SCARA3: variants seen among roughly 807,000 people sequenced by gnomAD.
SCARA3 encodes scavenger receptor class A member 3.
In SCARA3, 39 loss-of-function variants were observed where a neutral mutation model predicts 47.0. That is an observed-to-expected ratio of 0.83 (90% CI 0.64 to 1.08). The LOEUF (loss-of-function observed/expected upper bound fraction) is 1.08, where lower values mean the gene tolerates loss of function less well. SCARA3 is among the 50% of genes least tolerant of loss of function. The probability of loss-of-function intolerance (pLI) is 0.00; values close to 1 mark genes in which losing one functional copy is unlikely to be tolerated. For missense variants in SCARA3, 724 were observed against 792.3 expected, an observed-to-expected ratio of 0.91 and a Z score of 1.04; for synonymous variants, 356 against 334.1, an observed-to-expected ratio of 1.07 and a Z score of -0.71.
At chr8:27,656,719 G>A (rs1801751235) in intron 3 of SCARA3, 63 bp from the exon 4 acceptor site, 2 of 1,021,674 alleles carry the variant, frequency 2.0e-6, no homozygotes, top group Admixed American at 3.4e-5. Context: ...GCCTTCTCAA[G>A]GAATGACTGC....
chr8:27,699,166 C>A, the SCARA3 span, among the ~76,000 whole-genome samples: 1 of 151,848 alleles, frequency 6.6e-6, no homozygotes, highest in East Asian at 1.9e-4. Flanking sequence ...ATAGTGGGAA[C>A]CCAGGAGGCG....
the SCARA3 span, among the ~76,000 whole-genome samples, chr8:27,717,352 C>T: frequency 6.6e-6 from 1 of 152,134 alleles, no homozygotes; most frequent in Non-Finnish European, 1.5e-5. Context: ...ATGAGAACGA[C>T]ACCAACGAAC....
the SCARA3 span, chr8:27,701,854 G>A: frequency 6.5e-6 from 1 of 154,136 alleles, no homozygotes; most frequent in African/African-American, 2.4e-5. Flanking sequence ...CCAAACCAAA[G>A]GGTTTCCTGG....
chr8:27,637,678 C>A (rs974711988), intron 1 of SCARA3, among the ~76,000 whole-genome samples: 2 of 152,018 alleles, frequency 1.3e-5, no homozygotes, highest in African/African-American at 4.8e-5. Context: ...GGGCAGGGGG[C>A]AGCCCTCTGT....
At chr8:27,727,302 G>A in the SCARA3 span, among the ~76,000 whole-genome samples, 5 of 152,182 alleles carry the variant, frequency 3.3e-5, no homozygotes. Flanking sequence ...AAGGCAAAGA[G>A]CTTTGAAACC....
At chr8:27,695,747 C>T in the SCARA3 span, among the ~76,000 whole-genome samples, 5 of 151,706 alleles carry the variant, frequency 3.3e-5, no homozygotes, top group Admixed American at 1.3e-4. Flanking sequence ...TAAATTAAAA[C>T]GTTTATTGAA....
chr8:27,710,091 G>T, the SCARA3 span, among the ~76,000 whole-genome samples: 2 of 152,150 alleles, frequency 1.3e-5, no homozygotes, highest in Non-Finnish European at 2.9e-5. Flanking sequence ...TTAGTAGGGT[G>T]TGGTGGTGCA....
the SCARA3 span, among the ~76,000 whole-genome samples, chr8:27,728,275 G>C: frequency 6.6e-6 from 1 of 152,224 alleles, no homozygotes; most frequent in South Asian, 2.1e-4. Flanking sequence ...GACTGGGAAA[G>C]GGTGTGAGAT....
chr8:27,651,752 C>G, intron 3 of SCARA3, 125 bp downstream of exon 3: 7 of 1,302,732 alleles, frequency 5.4e-6, no homozygotes, highest in Non-Finnish European at 7.4e-6. Context: ...CCAGCATCTT[C>G]CTGGCTAGGG....
chr8:27,717,747 T>A, the SCARA3 span, among the ~76,000 whole-genome samples: 34 of 152,168 alleles, frequency 2.2e-4, no homozygotes, highest in African/African-American at 8.0e-4. Flanking sequence ...ATCGCACCAC[T>A]GCACTCCAGC....
chr8:27,659,463 C>G lies in SCARA3; in HGVS notation c.1293C>G (p.Leu431=), dbSNP rs772611321. The change falls in exon 5 of 6, where the codon CTC becomes CTG. Residue 431 remains leucine (L), a synonymous_variant. Transcript: ENST00000301904. The part of the protein sequence containing the change: ...SARLDLNVRN[L]SMIVEEMKAV... The stretch of plus-strand genomic sequence containing the variant: ...GGCTGGACCTCAACGTCCGGAACCT[C>G]TCCATGATCGTGGAGGAGATGAAGG... The G allele has an allele frequency of 1.7e-5, 28 of 1,613,934 alleles. No individual in the cohort carries two copies. The highest frequency in any genetic ancestry group is 5.9e-6 in the Non-Finnish European group (7 of 1,179,988).
At chr8:27,669,946 A>T (rs889683339) in intron 5 of SCARA3, among the ~76,000 whole-genome samples, 3 of 151,968 alleles carry the variant, frequency 2.0e-5, no homozygotes, top group African/African-American at 7.3e-5. Flanking sequence ...CGAGAGGCCC[A>T]CTTTCTGCCT....
intron 5 of SCARA3, among the ~76,000 whole-genome samples, chr8:27,664,956 A>C (rs1294322541): frequency 6.6e-6 from 1 of 152,164 alleles, no homozygotes; most frequent in Non-Finnish European, 1.5e-5. Flanking sequence ...ATTGAAAGCA[A>C]ATTTCAGGGA....
At chr8:27,707,271 C>A in the SCARA3 span, among the ~76,000 whole-genome samples, 1 of 152,056 alleles carries the variant, frequency 6.6e-6, no homozygotes, top group Non-Finnish European at 1.5e-5. Flanking sequence ...GGGTTGAAGT[C>A]CCCCAAAGGA....
At chr8:27,679,795 G>A (rs902469829), downstream of SCARA3, 2 of 152,172 alleles carry the variant, frequency 1.3e-5, no homozygotes, top group Non-Finnish European at 2.9e-5. Flanking sequence ...AAGTAAATTA[G>A]AAATCAGTAA....
intron 5 of SCARA3, among the ~76,000 whole-genome samples, chr8:27,662,556 T>C (rs1424203126): frequency 6.6e-6 from 1 of 152,144 alleles, no homozygotes; most frequent in Non-Finnish European, 1.5e-5. Flanking sequence ...AAAGAAGCAT[T>C]GTGTACAGGG....
At chr8:27,661,557 T>C (rs1801914103) in intron 5 of SCARA3, among the ~76,000 whole-genome samples, 1 of 151,950 alleles carries the variant, frequency 6.6e-6, no homozygotes, top group Non-Finnish European at 1.5e-5. Flanking sequence ...ATTAAAAAAA[T>C]AAGGAGGATT....
chr8:27,705,885 T>C, the SCARA3 span, among the ~76,000 whole-genome samples: 1 of 152,114 alleles, frequency 6.6e-6, no homozygotes, highest in Non-Finnish European at 1.5e-5. Flanking sequence ...GCAAGATAAG[T>C]AGGAGTTCTT....
the SCARA3 span, among the ~76,000 whole-genome samples, chr8:27,698,924 G>A: frequency 2.6e-5 from 4 of 151,916 alleles, no homozygotes; most frequent in Non-Finnish European, 5.9e-5. Context: ...TATATCTCAT[G>A]TTCATGTATA....
Sources: allele counts gnomAD v4.1 joint callset (sites outside exome capture counted in the v4.1 genomes callset), GRCh38; gene constraint gnomAD v4.1.1; transcripts MANE v1.5; gene names NCBI Gene and HGNC (gene_info 2026-07-23, HGNC 2026-07-21).